SEPTIN9: variants seen among roughly 807,000 people sequenced by gnomAD.
SEPTIN9 encodes septin 9, also known as septin-9.
SEPTIN9 carries 13 observed loss-of-function variants against 56.6 expected under a neutral mutation model. The observed-to-expected ratio is 0.23, with a 90% CI of 0.15 to 0.37. The LOEUF (loss-of-function observed/expected upper bound fraction) is 0.37. Ranked by LOEUF, SEPTIN9 falls within the 10% of genes least tolerant of loss-of-function variation. The pLI, the probability that SEPTIN9 is intolerant of heterozygous loss-of-function variation, is 1.00. For synonymous variants in SEPTIN9, 332 were observed against 334.1 expected, an observed-to-expected ratio of 0.99 and a Z score of 0.07; for missense variants, 650 against 823.1, an observed-to-expected ratio of 0.79 and a Z score of 2.57.
intron 2 of SEPTIN9, among the ~76,000 whole-genome samples, chr17:77,343,287 A>G (rs2033794866): frequency 6.6e-6 from 1 of 152,120 alleles, no homozygotes; most frequent in Non-Finnish European, 1.5e-5. Context: ...TCAATGGCCA[A>G]AGATTTCATG....
At position 77,405,392 on chromosome 17, in the gene SEPTIN9, G is replaced by A. The variant is rs949113275; in HGVS notation, c.721+2689G>A. Among the ~76,000 whole-genome samples the A allele has an allele frequency of 4.4e-4, 67 of 152,200 alleles. No individual in the cohort carries two copies. Among genetic ancestry groups the A allele is most frequent in the African/African-American group, 1.4e-3 (60 of 41,452 alleles). ...GGAGAGAAAGGCAGGCCACGTGGAG[G>A]CAGCAGCGTTCAGAGCTGCCAGGAA... On this transcript the variant is annotated intron_variant, in intron 3 of 11. Coordinates refer to ENST00000427177, the MANE Select transcript of SEPTIN9 (RefSeq NM_001113491.2). The surrounding 1 kb of genome is among the most constrained non-coding windows in gnomAD (Gnocchi z 5.8).
intron 3 of SEPTIN9, among the ~76,000 whole-genome samples, chr17:77,477,041 T>C (rs1359200967): frequency 2.0e-5 from 3 of 152,212 alleles, no homozygotes; most frequent in African/African-American, 7.2e-5. Flanking sequence ...CCAGCTCCAC[T>C]AGAAATGACT....
At position 77,402,298 on chromosome 17, in the gene SEPTIN9, C is replaced by A; in HGVS notation, c.316C>A (p.Arg106=). Residue 106 remains arginine (R), a synonymous_variant, in exon 3 of 12, where the codon CGG becomes AGG. Coordinates refer to ENST00000427177, the MANE Select transcript of SEPTIN9 (RefSeq NM_001113491.2). The surrounding 1 kb of genome is among the most constrained non-coding windows in gnomAD (Gnocchi z 6.6). ...SGPKAAEPVS[R]RTELSIDISS... ...CCCCAAGGCGGCCGAGCCGGTGTCC[C>A]GGCGCACTGAGCTGTCCATTGACAT... 6.2e-7 allele frequency: 1 copy of A among 1,612,680 alleles called. No individual in the cohort carries two copies. The highest frequency in any genetic ancestry group is 8.5e-7 in the Non-Finnish European group (1 of 1,179,790).
intron 2 of SEPTIN9, among the ~76,000 whole-genome samples, chr17:77,311,391 C>T (rs927757736): frequency 4.6e-5 from 7 of 152,144 alleles, no homozygotes; most frequent in Admixed American, 6.5e-5. Context: ...CCCACCTGGC[C>T]GCTGTGGATG....
In SEPTIN9 at chr17:77,402,949, G is replaced by C. The variant is rs996025130; in HGVS notation, c.721+246G>C. Among the ~76,000 whole-genome samples, 2 of 152,182 alleles carry C rather than the reference G, an allele frequency of 1.3e-5. No homozygotes were observed. Among genetic ancestry groups the C allele is most frequent in the Non-Finnish European group, 2.9e-5 (2 of 68,020 alleles). On this transcript the variant is annotated intron_variant, in intron 3 of 11. Coordinates refer to ENST00000427177, the MANE Select transcript of SEPTIN9 (RefSeq NM_001113491.2). This position sits in a 1 kb window ranked among gnomAD's most constrained non-coding sequence, Gnocchi z 6.6. ...AATGAGAGTTTGGAAAGATTTTCTGGGTTTCAAGGAGCCTCCTTTATGGGT... is the reference window on the plus strand; with the variant it reads ...AATGAGAGTTTGGAAAGATTTTCTGCGTTTCAAGGAGCCTCCTTTATGGGT...
At chr17:77,414,446 C>T (rs1422431653) in intron 3 of SEPTIN9, among the ~76,000 whole-genome samples, 1 of 152,088 alleles carries the variant, frequency 6.6e-6, no homozygotes, top group Non-Finnish European at 1.5e-5. Context: ...ATCGTCACCA[C>T]AACCAATTTT....
In SEPTIN9 at chr17:77,294,122, AC is replaced by A. The variant is rs1383656936; in HGVS notation, c.19+12569del. On this transcript the variant is annotated intron_variant, in intron 1 of 11. Coordinates refer to ENST00000427177, the MANE Select transcript of SEPTIN9 (RefSeq NM_001113491.2). ...ATGTCTCAAAAAAAAAAAAAAAACA[AC>A]AAAAAAAAACATAGGCTGGGCGTGG... 5.4e-3 allele frequency among the ~76,000 whole-genome samples: 809 copies of A among 149,924 alleles called. 11 individuals are homozygous for A. The highest frequency in any genetic ancestry group is 0.019 in the African/African-American group (765 of 40,748).
chr17:77,426,478 A>C (rs1195852966), intron 3 of SEPTIN9, among the ~76,000 whole-genome samples: 1 of 152,062 alleles, frequency 6.6e-6, no homozygotes, highest in Non-Finnish European at 1.5e-5. Flanking sequence ...GCGCTGACTC[A>C]TCGTGGGGCG....
intron 2 of SEPTIN9, among the ~76,000 whole-genome samples, chr17:77,394,844 C>T (rs534452500): frequency 1.1e-4 from 17 of 152,190 alleles, no homozygotes; most frequent in Non-Finnish European, 2.2e-4. Context: ...CAGGCTGCTC[C>T]TGTTTCGACC....
At chr17:77,322,195 G>A (rs534410783) in intron 2 of SEPTIN9, among the ~76,000 whole-genome samples, 1 of 152,212 alleles carries the variant, frequency 6.6e-6, no homozygotes, top group Non-Finnish European at 1.5e-5. Context: ...TTTGGGGGTG[G>A]TGCTCCCTGG....
intron 8 of SEPTIN9, 35 bp downstream of exon 8, chr17:77,490,894 G>A: frequency 6.7e-7 from 1 of 1,502,018 alleles, no homozygotes; most frequent in Non-Finnish European, 9.1e-7. Flanking sequence ...CAGCCCTTCT[G>A]TGCAACCTGG....
intron 2 of SEPTIN9, among the ~76,000 whole-genome samples, chr17:77,315,287 ACTT>A (rs1206559462): frequency 1.4e-5 from 2 of 139,944 alleles, no homozygotes; most frequent in African/African-American, 5.7e-5. Context: ...TGACCACCTA[ACTT>A]CTTTTTTTTT....
chr17:77,301,839 G>C (rs2032067227), intron 1 of SEPTIN9, among the ~76,000 whole-genome samples: 1 of 152,224 alleles, frequency 6.6e-6, no homozygotes, highest in Non-Finnish European at 1.5e-5. Context: ...TTTGATAGAG[G>C]AGAGACTGTC....
At position 77,397,682 on chromosome 17, in the gene SEPTIN9, C is replaced by T. The variant is rs376717723; in HGVS notation, c.77-4377C>T. ...GCCTTTTTTTTGAGATGAAGTCTTG[C>T]TTTGTCGCCCAGGCTGGAGTACTGT... On this transcript the variant is annotated intron_variant, in intron 2 of 11. Transcript: ENST00000427177. Among the ~76,000 whole-genome samples the T allele has an allele frequency of 7.4e-4, 112 of 152,238 alleles. 4 individuals are homozygous for T. In the East Asian group the frequency reaches 0.012, roughly 16 times the overall value.
At chr17:77,325,038 C>T (rs73371423) in intron 2 of SEPTIN9, among the ~76,000 whole-genome samples, 6,103 of 152,088 alleles carry the variant, frequency 0.04, 235 homozygotes, top group East Asian at 0.23. Flanking sequence ...AAGTTGGTCT[C>T]GAACTCCTGA....
intron 2 of SEPTIN9, among the ~76,000 whole-genome samples, chr17:77,309,982 CTTT>C (rs112299918): frequency 2.1e-5 from 3 of 143,550 alleles, no homozygotes; most frequent in African/African-American, 2.5e-5. Context: ...CCTAGGTCTC[CTTT>C]TTTTTTTTTT....
At chr17:77,489,238 C>T (rs2143366137) in intron 7 of SEPTIN9, among the ~76,000 whole-genome samples, 1 of 152,282 alleles carries the variant, frequency 6.6e-6, no homozygotes, top group East Asian at 1.9e-4. Flanking sequence ...CCGGGCCCTG[C>T]CTCATGGGAC....
rs766447163 is a variant in SEPTIN9 at position 77,449,616 on chromosome 17, G to C, written c.722-32528G>C. Reference sequence around the variant, plus strand: ...GGGGCGTGGTGGGAGCTGCATCCTCGAGGCTTTCTGTTGACCCTGACACCT... The same window carrying C: ...GGGGCGTGGTGGGAGCTGCATCCTCCAGGCTTTCTGTTGACCCTGACACCT... On this transcript the variant is annotated intron_variant, in intron 3 of 11. Coordinates refer to ENST00000427177, the MANE Select transcript of SEPTIN9 (RefSeq NM_001113491.2). This position sits in a 1 kb window ranked among gnomAD's most constrained non-coding sequence, Gnocchi z 4.6. 3.9e-5 allele frequency among the ~76,000 whole-genome samples: 6 copies of C among 152,192 alleles called. No individual in the cohort carries two copies. The highest frequency in any genetic ancestry group is 5.9e-5 in the Non-Finnish European group (4 of 68,030).
chr17:77,376,384 C>T, intron 2 of SEPTIN9: 1 of 985,708 alleles, frequency 1.0e-6, no homozygotes, highest in Non-Finnish European at 1.2e-6. Flanking sequence ...CACCTGGTGT[C>T]TTGGTTCCTG....
Sources: gnomAD v4.1 joint callset for allele counts (sites outside exome capture counted in the v4.1 genomes callset) on GRCh38, gnomAD v4.1.1 for gene constraint, Gnocchi (gnomAD v3.1) non-coding constraint, MANE v1.5 for transcripts, NCBI Gene and HGNC (gene_info 2026-07-23, HGNC 2026-07-21) for gene names.